The following NTM variants were observed in gnomAD, a reference collection of about 807,000 sequenced individuals.
NTM encodes neurotrimin.
In NTM, 13 loss-of-function variants were observed where a neutral mutation model predicts 42.1. The observed-to-expected ratio is 0.31, with a 90% CI of 0.20 to 0.49. The LOEUF (loss-of-function observed/expected upper bound fraction) is 0.49. Among genes scored for constraint, NTM ranks in the 20% least tolerant of loss-of-function variants. The pLI is 0.99. For missense variants in NTM, 373 were observed against 452.8 expected, an observed-to-expected ratio of 0.82 and a Z score of 1.60; for synonymous variants, 187 against 179.2, an observed-to-expected ratio of 1.04 and a Z score of -0.35.
At chr11:132,271,786 T>C (rs919383955) in intron 4 of NTM, among the ~76,000 whole-genome samples, 2 of 151,794 alleles carry the variant, frequency 1.3e-5, no homozygotes, top group Non-Finnish European at 2.9e-5. Context: ...ATATTTTCTA[T>C]ATATGAATTC....
At chr11:132,050,239 GC>G (rs1361622835) in intron 2 of NTM, among the ~76,000 whole-genome samples, 27 of 152,282 alleles carry the variant, frequency 1.8e-4, no homozygotes, top group African/African-American at 6.3e-4. Flanking sequence ...TAGTTACCCA[GC>G]CAGGGTCAAG....
chr11:131,379,592 T>C (rs1201126089), intron 1 of NTM, among the ~76,000 whole-genome samples: 1 of 152,216 alleles, frequency 6.6e-6, no homozygotes, highest in East Asian at 1.9e-4. Flanking sequence ...GTAAGGTTAT[T>C]ATAAGGAATA....
At chr11:131,765,472 T>G (rs575249973) in intron 1 of NTM, among the ~76,000 whole-genome samples, 27 of 152,300 alleles carry the variant, frequency 1.8e-4, no homozygotes, top group Non-Finnish European at 3.4e-4. Context: ...GTAGTATGTA[T>G]TTTCTATCTT....
chr11:131,412,006 C>G (rs1445536025), intron 1 of NTM, among the ~76,000 whole-genome samples: 1 of 152,192 alleles, frequency 6.6e-6, no homozygotes. Context: ...TGGACCCAGA[C>G]CTACGTGGAC....
rs765911985 is a variant in NTM, at chr11:132,310,159, C to A, written c.709C>A (p.Gln237Lys). The A allele has an allele frequency of 1.9e-6, 3 of 1,610,688 alleles. No individual in the cohort carries two copies. The highest frequency in any genetic ancestry group is 1.7e-5 in the Admixed American group (1 of 59,568). Reference protein sequence around the residue: ...EAKGTGVPVGQKGTLQCEASA... With the variant: ...EAKGTGVPVGKKGTLQCEASA... ...CAAGGGTACAGGTGTCCCCGTGGGA[C>A]AAAAGGGGACACTGCAGTGTGAAGC... is the stretch of plus-strand genomic sequence containing the variant. The change falls in exon 6 of 9, where the codon CAA (glutamine) becomes AAA (lysine). Residue 237 changes from glutamine (Q) to lysine (K), a missense_variant. Physicochemically the swap from Gln to Lys is moderately conservative, Grantham distance 53. Transcript: ENST00000683400.
chr11:132,029,445 G>GT (rs970240650), intron 2 of NTM, among the ~76,000 whole-genome samples: 1 of 150,252 alleles, frequency 6.7e-6, no homozygotes, highest in Non-Finnish European at 1.5e-5. Flanking sequence ...GCGGTGTTTG[G>GT]TTTTTTGTCC....
chr11:131,879,070 T>C (rs10894470), intron 1 of NTM, among the ~76,000 whole-genome samples: 51,379 of 151,984 alleles, frequency 0.34, 9,797 homozygotes, highest in East Asian at 0.5. Flanking sequence ...GCCAGAATCC[T>C]TCCCAGGAAC....
intron 2 of NTM, among the ~76,000 whole-genome samples, chr11:131,946,587 T>A (rs2060368914): frequency 6.6e-6 from 1 of 152,240 alleles, no homozygotes; most frequent in African/African-American, 2.4e-5. Flanking sequence ...GAGAACTTTA[T>A]CTTTCTTCTC....
intron 3 of NTM, among the ~76,000 whole-genome samples, chr11:132,170,951 A>G (rs1048520434): frequency 2.0e-5 from 3 of 152,150 alleles, no homozygotes; most frequent in Admixed American, 6.5e-5. Flanking sequence ...TGCTAACTAA[A>G]TAGAGCAAGT....
intron 1 of NTM, among the ~76,000 whole-genome samples, chr11:131,499,114 T>C (rs997575892): frequency 6.6e-6 from 1 of 152,192 alleles, no homozygotes; most frequent in Non-Finnish European, 1.5e-5. Flanking sequence ...CTGGAAGACA[T>C]TATGACCACT....
intron 3 of NTM, among the ~76,000 whole-genome samples, chr11:132,160,959 C>T (rs1420067180): frequency 2.0e-5 from 3 of 152,144 alleles, no homozygotes; most frequent in South Asian, 2.1e-4. Context: ...CCGGTGACTT[C>T]GGGATATTTC....
chr11:131,903,940 A>AT (rs112176301), intron 1 of NTM, among the ~76,000 whole-genome samples: 22 of 151,728 alleles, frequency 1.4e-4, no homozygotes, highest in Admixed American at 2.6e-4. Flanking sequence ...GATCATGAAG[A>AT]TTTTTTTTTG....
intron 7 of NTM, among the ~76,000 whole-genome samples, chr11:132,317,199 C>T (rs541028294): frequency 4.3e-4 from 65 of 152,322 alleles, no homozygotes; most frequent in Non-Finnish European, 8.5e-4. Context: ...TGCTCCCGCA[C>T]TCCTGAATCA....
chr11:131,658,724 C>T (rs1811712), intron 1 of NTM, among the ~76,000 whole-genome samples: 121,043 of 152,108 alleles, frequency 0.8, 48,611 homozygotes, highest in East Asian at 0.89. Context: ...AATTCCAGCA[C>T]TTTGGGAGGC....
intron 1 of NTM, among the ~76,000 whole-genome samples, chr11:131,884,105 A>G (rs1230259091): frequency 1.3e-5 from 2 of 152,202 alleles, no homozygotes; most frequent in Middle Eastern, 3.2e-3. Flanking sequence ...TCCCCATGTT[A>G]TGGATAAAAA....
At chr11:131,521,739 C>T (rs1591922172) in intron 1 of NTM, among the ~76,000 whole-genome samples, 1 of 152,042 alleles carries the variant, frequency 6.6e-6, no homozygotes, top group Non-Finnish European at 1.5e-5. Flanking sequence ...CTGAGGATCA[C>T]ATTTGAACAT....
intron 1 of NTM, among the ~76,000 whole-genome samples, chr11:131,863,113 A>C (rs1475650796): frequency 6.6e-6 from 1 of 152,198 alleles, no homozygotes; most frequent in African/African-American, 2.4e-5. Context: ...ACTCACATGT[A>C]TGGTGTTTTG....
At chr11:132,088,045 AGAGG>A (rs1223707460) in intron 2 of NTM, among the ~76,000 whole-genome samples, 1 of 152,256 alleles carries the variant, frequency 6.6e-6, no homozygotes, top group Non-Finnish European at 1.5e-5. Context: ...ACCCCAGCCA[AGAGG>A]GAAGTGGGGC....
At chr11:132,017,481 A>T (rs2073624005) in intron 2 of NTM, among the ~76,000 whole-genome samples, 1 of 151,986 alleles carries the variant, frequency 6.6e-6, no homozygotes, top group South Asian at 2.1e-4. Flanking sequence ...TGTGAATGGG[A>T]TTAATTTTGG....
Sources: gnomAD v4.1 joint callset for allele counts (sites outside exome capture counted in the v4.1 genomes callset) on GRCh38, gnomAD v4.1.1 for gene constraint, MANE v1.5 for transcripts, NCBI Gene and HGNC (gene_info 2026-07-23, HGNC 2026-07-21) for gene names.